The following PCDH9 variants were observed in gnomAD, a reference collection of about 807,000 sequenced individuals.
The protein encoded by PCDH9 is protocadherin-9.
PCDH9 carries 24 observed loss-of-function variants against 70.6 expected under a neutral mutation model. The observed-to-expected ratio is 0.34, with a 90% CI of 0.25 to 0.48. PCDH9 has a LOEUF of 0.48. Ranked by LOEUF, PCDH9 falls within the 20% of genes least tolerant of loss-of-function variation. PCDH9 has a pLI of 0.99. For synonymous variants in PCDH9, 562 were observed against 558.5 expected, an observed-to-expected ratio of 1.01 and a Z score of -0.09; for missense variants, 1,281 against 1,503.6, an observed-to-expected ratio of 0.85 and a Z score of 2.45.
chr13:66,692,791 A>C (rs1395381755), intron 3 of PCDH9, among the ~76,000 whole-genome samples: 1 of 152,072 alleles, frequency 6.6e-6, no homozygotes, highest in African/African-American at 2.4e-5. Flanking sequence ...AAAAACAACT[A>C]TATACAATCT....
At chr13:66,561,881 A>C (rs1962060518) in intron 4 of PCDH9, among the ~76,000 whole-genome samples, 1 of 151,936 alleles carries the variant, frequency 6.6e-6, no homozygotes, top group Non-Finnish European at 1.5e-5. Context: ...CCTCTTCCAC[A>C]CTGTGGAAGC....
chr13:66,961,834 C>T (rs888764568), intron 2 of PCDH9, among the ~76,000 whole-genome samples: 6 of 151,734 alleles, frequency 4.0e-5, no homozygotes, highest in East Asian at 1.9e-4. Flanking sequence ...GGGTGGCTCA[C>T]GAGATCAGGA....
At chr13:66,925,919 C>T (rs2082710547) in intron 2 of PCDH9, among the ~76,000 whole-genome samples, 1 of 151,938 alleles carries the variant, frequency 6.6e-6, no homozygotes, top group Non-Finnish European at 1.5e-5. Context: ...TAGTAATACC[C>T]AAATTACGAT....
At chr13:66,994,329 G>C (rs1371189285) in intron 2 of PCDH9, among the ~76,000 whole-genome samples, 2 of 152,170 alleles carry the variant, frequency 1.3e-5, no homozygotes, top group African/African-American at 4.8e-5. Flanking sequence ...TGAAAGGAAC[G>C]GCCTGCAAAG....
chr13:66,766,108 T>A (rs1336526233), intron 3 of PCDH9, among the ~76,000 whole-genome samples: 1 of 152,014 alleles, frequency 6.6e-6, no homozygotes, highest in Non-Finnish European at 1.5e-5. Flanking sequence ...AAAAAGCTGA[T>A]AAAAGCATGG....
intron 2 of PCDH9, among the ~76,000 whole-genome samples, chr13:67,130,814 C>T (rs910741129): frequency 6.6e-6 from 1 of 152,088 alleles, no homozygotes; most frequent in Non-Finnish European, 1.5e-5. Flanking sequence ...CCTGTATGCA[C>T]CGGTGGGCCC....
chr13:66,891,812 T>C, intron 3 of PCDH9, among the ~76,000 whole-genome samples: 1 of 150,312 alleles, frequency 6.7e-6, no homozygotes, highest in Admixed American at 6.6e-5. Context: ...TCTACATGTA[T>C]TCCATTTTTT....
At chr13:66,863,111 G>A (rs940333326) in intron 3 of PCDH9, among the ~76,000 whole-genome samples, 2 of 151,986 alleles carry the variant, frequency 1.3e-5, no homozygotes, top group African/African-American at 2.4e-5. Flanking sequence ...ACTCAGAGGC[G>A]AATTTAAATG....
intron 3 of PCDH9, among the ~76,000 whole-genome samples, chr13:66,765,008 C>G (rs538886720): frequency 6.6e-6 from 1 of 151,714 alleles, no homozygotes; most frequent in South Asian, 2.1e-4. Flanking sequence ...CTGTCTCTCT[C>G]TCTGTCTCTT....
At chr13:67,000,313 C>A (rs1279721578) in intron 2 of PCDH9, among the ~76,000 whole-genome samples, 1 of 130,766 alleles carries the variant, frequency 7.6e-6, no homozygotes, top group African/African-American at 3.0e-5. Context: ...AGGGGAACAT[C>A]ACACTCTGGG....
At chr13:66,486,640 A>G (rs1402490590) in intron 4 of PCDH9, among the ~76,000 whole-genome samples, 1 of 57,378 alleles carries the variant, frequency 1.7e-5, no homozygotes, top group Non-Finnish European at 4.2e-5. Flanking sequence ...TATCTCAGAA[A>G]AAAAAAAAAA....
intron 3 of PCDH9, among the ~76,000 whole-genome samples, chr13:66,825,892 A>AT (rs1176360228): frequency 1.3e-5 from 2 of 152,134 alleles, no homozygotes; most frequent in Non-Finnish European, 2.9e-5. Flanking sequence ...GTTATTCCTA[A>AT]TTTTTTTAAA....
chr13:66,802,763 A>G (rs2080347046), intron 3 of PCDH9, among the ~76,000 whole-genome samples: 1 of 152,114 alleles, frequency 6.6e-6, no homozygotes, highest in Non-Finnish European at 1.5e-5. Context: ...AAATCTTGGC[A>G]TATAACAATT....
intron 4 of PCDH9, among the ~76,000 whole-genome samples, chr13:66,600,199 A>C (rs971844919): frequency 6.6e-6 from 1 of 151,910 alleles, no homozygotes; most frequent in Non-Finnish European, 1.5e-5. Flanking sequence ...CTAACTATTA[A>C]AAATACTGTG....
chr13:66,826,036 TA>T (rs2080818679), intron 3 of PCDH9, among the ~76,000 whole-genome samples: 1 of 152,174 alleles, frequency 6.6e-6, no homozygotes, highest in Non-Finnish European at 1.5e-5. Context: ...AATTAAAACC[TA>T]AAGACTTCCT....
rs1280388438 is a variant in PCDH9 at position 66,825,376 on chromosome 13, G to A, written c.3138+78128C>T. ...TTTTGAGACGGAGTTTCGCTCTGTC[G>A]CCCAGGCTGGAGTGCAGTGGCGCGA... is the stretch of plus-strand genomic sequence containing the variant. On this transcript the variant is annotated intron_variant, in intron 3 of 4. Coordinates refer to ENST00000377865, the MANE Select transcript of PCDH9 (RefSeq NM_203487.3). The A allele has an allele frequency of 1.5e-4, 17 of 113,606 alleles. No individual in the cohort carries two copies. The East Asian group carries it at 3.7e-3, about 25-fold the overall frequency. The allele number at this position is 113,606 out of a possible 1,614,324, so 7.0% of individuals were successfully genotyped here. A position where few individuals can be genotyped will look rare whatever the true frequency, so the allele number is the denominator to read the frequency against.
At chr13:66,909,629 C>A (rs935357923) in intron 2 of PCDH9, among the ~76,000 whole-genome samples, 1 of 151,858 alleles carries the variant, frequency 6.6e-6, no homozygotes, top group African/African-American at 2.4e-5. Flanking sequence ...ATTAGCCGGG[C>A]GTGGTGGCGG....
At chr13:66,816,530 T>C (rs2080608451) in intron 3 of PCDH9, among the ~76,000 whole-genome samples, 1 of 152,202 alleles carries the variant, frequency 6.6e-6, no homozygotes, top group African/African-American at 2.4e-5. Context: ...TAAGTTAGCA[T>C]TAATGTTCTC....
intron 4 of PCDH9, among the ~76,000 whole-genome samples, chr13:66,504,588 T>A (rs1286725474): frequency 6.6e-6 from 1 of 152,122 alleles, no homozygotes; most frequent in African/African-American, 2.4e-5. Flanking sequence ...TTGTTACATA[T>A]CAGTAGGTAA....
Sources: gnomAD v4.1 joint callset for allele counts (sites outside exome capture counted in the v4.1 genomes callset) on GRCh38, gnomAD v4.1.1 for gene constraint, MANE v1.5 for transcripts, NCBI Gene and HGNC (gene_info 2026-07-23, HGNC 2026-07-21) for gene names.